EPHA7: variants seen among roughly 807,000 people sequenced by gnomAD.
EPHA7 encodes ephrin type-A receptor 7.
EPHA7 carries 25 observed loss-of-function variants against 112.6 expected under a neutral mutation model. That is an observed-to-expected ratio of 0.22 (90% confidence interval 0.16 to 0.31). The LOEUF (loss-of-function observed/expected upper bound fraction) is 0.31. Among genes scored for constraint, EPHA7 ranks in the 10% least tolerant of loss-of-function variants. The pLI is 1.00. For missense variants in EPHA7, 962 were observed against 1,212.6 expected, an observed-to-expected ratio of 0.79 and a Z score of 3.07; for synonymous variants, 437 against 406.5, an observed-to-expected ratio of 1.07 and a Z score of -0.90.
intron 3 of EPHA7, among the ~76,000 whole-genome samples, chr6:93,377,317 C>T (rs1472198056): frequency 1.3e-5 from 2 of 152,062 alleles, no homozygotes; most frequent in African/African-American, 4.8e-5. Context: ...ATCAGTTTTA[C>T]TTCTAGGCTC....
At chr6:93,349,508 AC>A (rs1775580247) in intron 5 of EPHA7, among the ~76,000 whole-genome samples, 1 of 151,926 alleles carries the variant, frequency 6.6e-6, no homozygotes, top group Admixed American at 6.6e-5. Context: ...GCATAGGTGT[AC>A]ATATGAATGT....
At chr6:93,243,671 A>G (rs2127844210) in intron 16 of EPHA7, 131 bp from the exon 17 acceptor site, 1 of 646,332 alleles carries the variant, frequency 1.5e-6, no homozygotes. Flanking sequence ...CTTGGGTATT[A>G]TGATCACACC....
chr6:93,311,964 C>T (rs1379652672), intron 5 of EPHA7, among the ~76,000 whole-genome samples: 3 of 152,004 alleles, frequency 2.0e-5, no homozygotes. Context: ...AAGGCATTTC[C>T]TCCCCTAAGC....
At chr6:93,374,020 G>A (rs143948706) in intron 3 of EPHA7, among the ~76,000 whole-genome samples, 25 of 152,118 alleles carry the variant, frequency 1.6e-4, no homozygotes, top group Non-Finnish European at 1.9e-4. Flanking sequence ...TATTAAGAAT[G>A]TAACAGAATA....
chr6:93,309,545 G>A (rs1773425747), intron 5 of EPHA7, among the ~76,000 whole-genome samples: 1 of 151,822 alleles, frequency 6.6e-6, no homozygotes, highest in Non-Finnish European at 1.5e-5. Context: ...ATTGCAAAAA[G>A]TATCTGTTGC....
At chr6:93,406,767 C>A (rs1000942400) in intron 3 of EPHA7, among the ~76,000 whole-genome samples, 1 of 151,622 alleles carries the variant, frequency 6.6e-6, no homozygotes, top group Non-Finnish European at 1.5e-5. Context: ...CTTTCTAAAT[C>A]GAATAAAATT....
At chr6:93,408,491 G>A (rs758754942) in intron 3 of EPHA7, among the ~76,000 whole-genome samples, 4 of 152,030 alleles carry the variant, frequency 2.6e-5, no homozygotes, top group Non-Finnish European at 5.9e-5. Flanking sequence ...GGAAACTGCA[G>A]GATTTTCTAC....
intron 5 of EPHA7, among the ~76,000 whole-genome samples, chr6:93,329,917 A>G (rs1034515063): frequency 5.3e-5 from 8 of 151,226 alleles, no homozygotes; most frequent in African/African-American, 1.9e-4. Context: ...CAAGAATACT[A>G]ATTAATTATT....
chr6:93,255,838 T>A lies in EPHA7; in HGVS notation c.2372A>T (p.Tyr791Phe), dbSNP rs758111523. ...RVIEDDPEAVYTTTGGKIPVR... is the reference protein window; with the variant it reads ...RVIEDDPEAVFTTTGGKIPVR... ...ATGACTTTTTCTTACAGTAGTTGTA[T>A]AGACAGCTTCTGGATCATCCTCTAT... is the stretch of plus-strand genomic sequence containing the variant. Residue 791 changes from tyrosine (Y) to phenylalanine (F), a missense_variant, in exon 13 of 17, where the codon TAT (tyrosine) becomes TTT (phenylalanine). This residue lies in a region of EPHA7 where 746 missense variants were observed against 889.2 expected (regional missense o/e 0.84). Transcript: ENST00000369303. 1.2e-6 allele frequency: 2 copies of A among 1,613,818 alleles called. No homozygotes were observed. Among genetic ancestry groups the A allele is most frequent in the Non-Finnish European group, 1.7e-6 (2 of 1,179,836 alleles).
Position 93,328,373 on chromosome 6 carries a change from A to G in EPHA7, c.1324+28344T>C, listed in dbSNP as rs1438387969. On this transcript the variant is annotated intron_variant, in intron 5 of 16. Transcript: ENST00000369303. ...GACAGAGATTTCTTTTTTTGTCTAT[A>G]GCTTTTCCCAGCATCTAGAGTAATG... Among the ~76,000 whole-genome samples, 3 of 151,536 alleles carry G rather than the reference A, an allele frequency of 2.0e-5. No individual in the cohort carries two copies. In the East Asian group the frequency reaches 5.8e-4, roughly 29 times the overall value.
intron 3 of EPHA7, among the ~76,000 whole-genome samples, chr6:93,400,501 C>T (rs1464799644): frequency 6.6e-6 from 1 of 152,064 alleles, no homozygotes; most frequent in Non-Finnish European, 1.5e-5. Context: ...TGGTCCAACT[C>T]TCTTTTAGAA....
intron 5 of EPHA7, among the ~76,000 whole-genome samples, chr6:93,345,558 G>T (rs1300794192): frequency 6.6e-6 from 1 of 151,610 alleles, no homozygotes; most frequent in Non-Finnish European, 1.5e-5. Flanking sequence ...TGACCTATTT[G>T]TAAATTAAGT....
At chr6:93,262,354 AT>A (rs1306540089) in intron 9 of EPHA7, among the ~76,000 whole-genome samples, 2 of 151,486 alleles carry the variant, frequency 1.3e-5, no homozygotes, top group African/African-American at 4.8e-5. Context: ...AAGTTCTGAC[AT>A]TGGGGGCATA....
intron 5 of EPHA7, among the ~76,000 whole-genome samples, chr6:93,336,575 T>TTTG (rs1184940986): frequency 1.3e-5 from 2 of 151,966 alleles, no homozygotes; most frequent in Non-Finnish European, 2.9e-5. Context: ...GCTATTTTTT[T>TTTG]TATTTTTAGT....
chr6:93,282,752 C>T (rs1394363222), intron 5 of EPHA7, among the ~76,000 whole-genome samples: 1 of 152,152 alleles, frequency 6.6e-6, no homozygotes, highest in East Asian at 1.9e-4. Flanking sequence ...GCCGCGGGAC[C>T]TGCCAGCCCC....
intron 5 of EPHA7, among the ~76,000 whole-genome samples, chr6:93,291,767 CAAAA>C (rs66483422): frequency 5.6e-5 from 4 of 71,694 alleles, no homozygotes; most frequent in Admixed American, 1.9e-4. Flanking sequence ...GACTCCGTCT[CAAAA>C]AAAAAAAAAA....
chr6:93,389,567 A>T (rs1485993078), intron 3 of EPHA7, among the ~76,000 whole-genome samples: 1 of 152,084 alleles, frequency 6.6e-6, no homozygotes, highest in Non-Finnish European at 1.5e-5. Flanking sequence ...TTATTTACGC[A>T]TTACAAAAGA....
At chr6:93,308,639 T>C (rs1401080024) in intron 5 of EPHA7, among the ~76,000 whole-genome samples, 1 of 152,188 alleles carries the variant, frequency 6.6e-6, no homozygotes, top group Non-Finnish European at 1.5e-5. Context: ...TATTTATAAA[T>C]AATTGTCAAA....
chr6:93,322,040 G>A (rs1023232133), intron 5 of EPHA7, among the ~76,000 whole-genome samples: 2 of 151,644 alleles, frequency 1.3e-5, no homozygotes, highest in Non-Finnish European at 3.0e-5. Flanking sequence ...TTGAATTAAT[G>A]AATGAATAAT....
Sources: allele counts gnomAD v4.1 joint callset (sites outside exome capture counted in the v4.1 genomes callset), GRCh38; gene constraint gnomAD v4.1.1; regional missense constraint gnomAD v4.1.1; transcripts MANE v1.5; gene names NCBI Gene and HGNC (gene_info 2026-07-23, HGNC 2026-07-21).